The following ASXL3 variants were observed in gnomAD, a reference collection of about 807,000 sequenced individuals.
ASXL3 encodes the protein putative Polycomb group protein ASXL3.
A neutral mutation model predicts 170.6 loss-of-function variants in ASXL3; 34 were observed. That is an observed-to-expected ratio of 0.20 (90% CI 0.15 to 0.27). The LOEUF (loss-of-function observed/expected upper bound fraction) is 0.27, where lower values mean the gene tolerates loss of function less well. Among genes scored for constraint, ASXL3 ranks in the 10% least tolerant of loss-of-function variants. ASXL3 has a pLI of 1.00. For missense variants in ASXL3, 2,592 were observed against 2,695.3 expected, an observed-to-expected ratio of 0.96 and a Z score of 0.85; for synonymous variants, 1,002 against 989.1, an observed-to-expected ratio of 1.01 and a Z score of -0.24.
intron 5 of ASXL3, among the ~76,000 whole-genome samples, chr18:33,662,825 TAG>T (rs1181783672): frequency 6.6e-6 from 1 of 152,124 alleles, no homozygotes; most frequent in Admixed American, 6.5e-5. Flanking sequence ...TTTTCTAAAA[TAG>T]AGTTTTTTTA....
At chr18:33,662,037 T>C (rs2066182601) in intron 5 of ASXL3, among the ~76,000 whole-genome samples, 1 of 152,212 alleles carries the variant, frequency 6.6e-6, no homozygotes, top group Non-Finnish European at 1.5e-5. Flanking sequence ...TCTGTTGGGT[T>C]CATAAATGCA....
chr18:33,741,569 TCTC>T (rs1408061882), intron 11 of ASXL3, among the ~76,000 whole-genome samples: 1 of 152,152 alleles, frequency 6.6e-6, no homozygotes, highest in African/African-American at 2.4e-5. Flanking sequence ...AATTGAATCT[TCTC>T]CTCAAAACTA....
intron 1 of ASXL3, among the ~76,000 whole-genome samples, chr18:33,580,528 T>C (rs1568261208): frequency 2.0e-5 from 3 of 152,334 alleles, no homozygotes; most frequent in Admixed American, 6.5e-5. Context: ...CATATCTGCC[T>C]GCAGAGAATT....
At chr18:33,742,671 G>GTAGAT (rs2067684688) in intron 11 of ASXL3, among the ~76,000 whole-genome samples, 1 of 152,128 alleles carries the variant, frequency 6.6e-6, no homozygotes, top group Non-Finnish European at 1.5e-5. Context: ...GGATGTTTTT[G>GTAGAT]TAGATTAAAA....
At chr18:33,582,010 G>T (rs930000384) in intron 1 of ASXL3, among the ~76,000 whole-genome samples, 1 of 152,064 alleles carries the variant, frequency 6.6e-6, no homozygotes, top group African/African-American at 2.4e-5. Context: ...ACAGCCTTCT[G>T]CAGTTGTAGT....
chr18:33,591,640 T>G (rs1394450967), intron 1 of ASXL3, among the ~76,000 whole-genome samples: 1 of 103,358 alleles, frequency 9.7e-6, no homozygotes, highest in Non-Finnish European at 1.8e-5. Flanking sequence ...TGACACTACT[T>G]TTTTTTTTTT....
At chr18:33,629,853 A>G (rs943838703) in intron 2 of ASXL3, among the ~76,000 whole-genome samples, 5 of 152,074 alleles carry the variant, frequency 3.3e-5, no homozygotes, top group Non-Finnish European at 7.4e-5. Flanking sequence ...ATTTATTAAT[A>G]TGTATGTATA....
chr18:33,601,958 T>C (rs567509121), intron 1 of ASXL3, among the ~76,000 whole-genome samples: 10 of 151,464 alleles, frequency 6.6e-5, no homozygotes, highest in Non-Finnish European at 1.3e-4. Flanking sequence ...GCCTTGCTTA[T>C]TGTTATTTAT....
chr18:33,662,592 C>G (rs745534332), intron 5 of ASXL3, among the ~76,000 whole-genome samples: 5 of 152,066 alleles, frequency 3.3e-5, no homozygotes, highest in African/African-American at 7.2e-5. Context: ...ATGGAGCCAT[C>G]GTATGATGAT....
Position 33,616,720 on chromosome 18 carries a change from GTTTCTGGTAAGGGC to G in ASXL3, c.137+9050_137+9063del, listed in dbSNP as rs1391082523. 1.3e-5 allele frequency: 2 copies of G among 152,122 alleles called. 1 individual carries two copies. The highest frequency in any genetic ancestry group is 4.8e-5 in the African/African-American group (2 of 41,416). 9.4% of individuals were successfully genotyped at this position (152,122 alleles called of 1,614,324 possible). ...GCCCAGATTAAGGTTGGCAGTGTCC[GTTTCTGGTAAGGGC>G]TTTCTTCCTGGCTTGTAGCTGGCTG... is the stretch of plus-strand genomic sequence containing the variant. On this transcript the variant is annotated intron_variant, in intron 2 of 11. Transcript: ENST00000269197.
chr18:33,616,250 G>A (rs2065420561), intron 2 of ASXL3, among the ~76,000 whole-genome samples: 1 of 152,080 alleles, frequency 6.6e-6, no homozygotes, highest in Non-Finnish European at 1.5e-5. Flanking sequence ...TTGGGCTTGG[G>A]TAACTGTAAA....
chr18:33,666,782 G>T (rs1295380463), intron 5 of ASXL3, among the ~76,000 whole-genome samples: 5 of 151,818 alleles, frequency 3.3e-5, no homozygotes, highest in African/African-American at 1.2e-4. Context: ...CCCAACAGAT[G>T]TAAAAAAAAA....
chr18:33,667,907 G>A (rs1463703161), intron 5 of ASXL3, among the ~76,000 whole-genome samples: 1 of 152,116 alleles, frequency 6.6e-6, no homozygotes, highest in African/African-American at 2.4e-5. Flanking sequence ...AAATGCATTG[G>A]TTGCAGAAAG....
chr18:33,665,323 G>A (rs1354395176), intron 5 of ASXL3, among the ~76,000 whole-genome samples: 2 of 152,068 alleles, frequency 1.3e-5, no homozygotes, highest in East Asian at 1.9e-4. Context: ...TCTATTCTTG[G>A]TATTTTGCTT....
chr18:33,731,897 C>T, intron 8 of ASXL3, 71 bp from the exon 9 acceptor site: 2 of 1,305,574 alleles, frequency 1.5e-6, no homozygotes, highest in Non-Finnish European at 2.2e-6. Flanking sequence ...TCAATTTTTG[C>T]TTCTTTCCTG....
In ASXL3 at chr18:33,739,883, G is replaced by C. The variant is rs1367581602; in HGVS notation, c.2479G>C (p.Asp827His). Residue 827 changes from aspartate to histidine, a missense_variant, in exon 11 of 12, where the codon GAT becomes CAT. Coordinates refer to ENST00000269197, the MANE Select transcript of ASXL3 (RefSeq NM_030632.3). ...TGCTCCTGAAGCATTTCCGTCTGAAGATTTGCACAATAAGACCCTGAGTCA... is the reference window on the plus strand; with the variant it reads ...TGCTCCTGAAGCATTTCCGTCTGAACATTTGCACAATAAGACCCTGAGTCA... ...SIAPEAFPSE[D>H]LHNKTLSQQT... The C allele has an allele frequency of 6.2e-7, 1 of 1,613,888 alleles. No individual in the cohort carries two copies. Among genetic ancestry groups the C allele is most frequent in the East Asian group, 2.2e-5 (1 of 44,870 alleles).
At chr18:33,641,512 TA>T (rs1179402686) in intron 2 of ASXL3, among the ~76,000 whole-genome samples, 1 of 152,116 alleles carries the variant, frequency 6.6e-6, no homozygotes, top group Non-Finnish European at 1.5e-5. Flanking sequence ...GTGTCCTGCT[TA>T]TTTATTTCTA....
At chr18:33,696,846 G>T (rs1234062587) in intron 8 of ASXL3, among the ~76,000 whole-genome samples, 1 of 152,128 alleles carries the variant, frequency 6.6e-6, no homozygotes, top group Non-Finnish European at 1.5e-5. Flanking sequence ...CCTCAATGAT[G>T]TATCACCAAA....
intron 1 of ASXL3, among the ~76,000 whole-genome samples, chr18:33,594,929 T>C (rs1282104677): frequency 6.6e-6 from 1 of 152,114 alleles, no homozygotes; most frequent in Non-Finnish European, 1.5e-5. Flanking sequence ...TTGAGTATAG[T>C]AAATCAGGCT....
Sources: allele counts gnomAD v4.1 joint callset (sites outside exome capture counted in the v4.1 genomes callset), GRCh38; gene constraint gnomAD v4.1.1; transcripts MANE v1.5; gene names NCBI Gene and HGNC (gene_info 2026-07-23, HGNC 2026-07-21).